The following MYO9A variants were observed in gnomAD, a reference collection of about 807,000 sequenced individuals.
MYO9A encodes the protein unconventional myosin-IXa.
Under a neutral mutation model 293.3 loss-of-function variants are expected in MYO9A, and 103 were observed. That is an observed-to-expected ratio of 0.35 (90% CI 0.30 to 0.41). The LOEUF is 0.41. MYO9A is among the 10% of genes least tolerant of loss of function. The probability of loss-of-function intolerance (pLI) is 1.00; values close to 1 mark genes in which losing one functional copy is unlikely to be tolerated. For missense variants in MYO9A, 2,685 were observed against 3,033.0 expected, an observed-to-expected ratio of 0.89 and a Z score of 2.69; for synonymous variants, 1,001 against 1,035.7, an observed-to-expected ratio of 0.97 and a Z score of 0.64.
intron 4 of MYO9A, 107 bp from the exon 5 acceptor site, chr15:72,021,124 C>T (rs1256801941): frequency 3.1e-6 from 2 of 653,290 alleles, no homozygotes; most frequent in Non-Finnish European, 5.1e-6. Context: ...ATCAGCTTTG[C>T]TTCATTTTTT....
intron 14 of MYO9A, among the ~76,000 whole-genome samples, chr15:71,955,067 T>A (rs1384476830): frequency 6.6e-6 from 1 of 152,058 alleles, no homozygotes; most frequent in Non-Finnish European, 1.5e-5. Flanking sequence ...TTCCTATCAA[T>A]ACTACCCTTG....
At chr15:72,039,753 C>T (rs921505138) in intron 2 of MYO9A, among the ~76,000 whole-genome samples, 5 of 152,200 alleles carry the variant, frequency 3.3e-5, no homozygotes, top group South Asian at 2.1e-4. Context: ...CGCTTGATCC[C>T]GGCAAGTGGA....
chr15:71,999,890 T>G lies in MYO9A; in HGVS notation c.1431A>C (p.Thr477=), dbSNP rs781410922. 1 of 1,612,784 alleles carries G rather than the reference T, an allele frequency of 6.2e-7. No individual in the cohort carries two copies. Among genetic ancestry groups the G allele is most frequent in the South Asian group, 1.1e-5 (1 of 90,844 alleles). The part of the protein sequence containing the change: ...FEALVTRKTV[T]VGEKLILPYK... ...ATGGCAAAATAAGCTTTTCTCCCACTGTCACCGTCTTCCTTGTAACTAATG... is the reference window on the plus strand; with the variant it reads ...ATGGCAAAATAAGCTTTTCTCCCACGGTCACCGTCTTCCTTGTAACTAATG... Residue 477 remains threonine, a synonymous_variant, in exon 9 of 42, where the codon ACA becomes ACC. Transcript: ENST00000356056.
intron 3 of MYO9A, among the ~76,000 whole-genome samples, chr15:72,028,685 A>G (rs1596414948): frequency 8.3e-6 from 1 of 120,396 alleles, no homozygotes; most frequent in East Asian, 2.5e-4. Flanking sequence ...AGTACACAAG[A>G]TCCCTGAAGA....
Position 71,985,497 on chromosome 15 carries a change from AT to A in MYO9A, c.1722+5605del, listed in dbSNP as rs1282949697. ...CCTTCTGATGCCAGGTTTACTTCTG[AT>A]TTACTTTTGTCTGAGATGTAACCCT... On this transcript the variant is annotated intron_variant, in intron 11 of 41. Transcript: ENST00000356056. 3.9e-5 allele frequency among the ~76,000 whole-genome samples: 6 copies of A among 152,218 alleles called. No individual in the cohort carries two copies. The East Asian group carries it at 9.7e-4, about 25-fold the overall frequency.
chr15:71,953,015 G>A (rs1293229307), intron 14 of MYO9A, among the ~76,000 whole-genome samples: 1 of 152,096 alleles, frequency 6.6e-6, no homozygotes, highest in Non-Finnish European at 1.5e-5. Flanking sequence ...CATAAATCAT[G>A]TAATATTATA....
chr15:72,101,532 C>A (rs2080322997), intron 1 of MYO9A, among the ~76,000 whole-genome samples: 1 of 129,820 alleles, frequency 7.7e-6, no homozygotes, highest in Admixed American at 7.4e-5. Flanking sequence ...CAGCCCCCCG[C>A]CCGGCCAGCC....
chr15:71,977,643 G>C (rs1248883008), intron 12 of MYO9A, among the ~76,000 whole-genome samples: 1 of 151,894 alleles, frequency 6.6e-6, no homozygotes, highest in Non-Finnish European at 1.5e-5. Context: ...AAGTCAACAA[G>C]TTTGACATCA....
chr15:72,037,691 A>C (rs896974302), intron 2 of MYO9A, among the ~76,000 whole-genome samples: 2 of 152,192 alleles, frequency 1.3e-5, no homozygotes, highest in African/African-American at 4.8e-5. Context: ...GTCATGAAAC[A>C]ACCAAATAAC....
chr15:71,868,879 A>G (rs2056421523), intron 32 of MYO9A, among the ~76,000 whole-genome samples: 1 of 152,182 alleles, frequency 6.6e-6, no homozygotes, highest in Non-Finnish European at 1.5e-5. Flanking sequence ...AAAACACTGT[A>G]AAAATAAATT....
chr15:71,841,165 T>A (rs1425174234), intron 39 of MYO9A, among the ~76,000 whole-genome samples: 1 of 152,244 alleles, frequency 6.6e-6, no homozygotes, highest in Non-Finnish European at 1.5e-5. Flanking sequence ...TTTGCATGTA[T>A]ATAATCATAA....
Position 71,994,583 on chromosome 15 carries a change from A to C in MYO9A, c.1473T>G (p.Ala491=). ...KLILPYKLAE[A]VTVRNSMAKS... is the part of the protein sequence containing the mutation. ...TAGCCATGGAGTTCCTCACTGTCAC[A>C]GCCTGAAAAACAAAAGCATTACAAG... Residue 491 remains alanine (A), a splice_region_variant and synonymous_variant, in exon 10 of 42, where the codon GCT becomes GCG. Transcript: ENST00000356056. 1.3e-6 allele frequency: 2 copies of C among 1,579,564 alleles called. No individual in the cohort carries two copies. Among genetic ancestry groups the C allele is most frequent in the Admixed American group, 3.8e-5 (2 of 52,612 alleles).
intron 14 of MYO9A, among the ~76,000 whole-genome samples, chr15:71,952,435 A>G (rs1461248915): frequency 1.3e-5 from 2 of 152,214 alleles, no homozygotes; most frequent in Admixed American, 1.3e-4. Flanking sequence ...CTGTACTTAT[A>G]AATTTGAAAA....
At chr15:72,056,953 T>C (rs2078738252) in intron 1 of MYO9A, among the ~76,000 whole-genome samples, 1 of 152,008 alleles carries the variant, frequency 6.6e-6, no homozygotes, top group East Asian at 1.9e-4. Flanking sequence ...TTACTAAAAG[T>C]ACAAAAATTA....
chr15:71,891,563 T>C (rs376154185), intron 26 of MYO9A: 2 of 152,250 alleles, frequency 1.3e-5, no homozygotes, highest in Non-Finnish European at 2.9e-5. Flanking sequence ...TATTTCCTTA[T>C]TTATAACTCA....
At chr15:71,904,594 A>G (rs1375174794) in intron 20 of MYO9A, among the ~76,000 whole-genome samples, 1 of 152,226 alleles carries the variant, frequency 6.6e-6, no homozygotes, top group Non-Finnish European at 1.5e-5. Context: ...CGGAGATTAC[A>G]GTGAGCTGAG....
At position 71,893,705 on chromosome 15, in the gene MYO9A, T is replaced by C; in HGVS notation, c.5116A>G (p.Lys1706Glu). The change falls in exon 26 of 42, where the codon AAG (lysine) becomes GAG (glutamate). Residue 1706 changes from lysine to glutamate, a missense_variant. By Grantham distance (56) the Lys-to-Glu change is moderately conservative. Transcript: ENST00000356056. ...KEDEPAWKPV[K>E]LAGPGQRETS... is the part of the protein sequence containing the mutation. ...TCTCTTTGGCCTGGCCCAGCTAACTTCACAGGTTTCCATGCTGGTTCATCT... is the reference window on the plus strand; with the variant it reads ...TCTCTTTGGCCTGGCCCAGCTAACTCCACAGGTTTCCATGCTGGTTCATCT... The C allele has an allele frequency of 6.2e-7, 1 of 1,613,990 alleles. No homozygotes were observed. Among genetic ancestry groups the C allele is most frequent in the Non-Finnish European group, 8.5e-7 (1 of 1,179,918 alleles).
intron 12 of MYO9A, among the ~76,000 whole-genome samples, chr15:71,976,350 C>T (rs2076148605): frequency 6.6e-6 from 1 of 152,146 alleles, no homozygotes; most frequent in Admixed American, 6.5e-5. Flanking sequence ...GGACTTCTGA[C>T]TCTAACACCT....
chr15:71,885,174 GATA>G (rs2056984015), intron 27 of MYO9A, among the ~76,000 whole-genome samples: 1 of 151,950 alleles, frequency 6.6e-6, no homozygotes. Context: ...CATGGCCACA[GATA>G]ATGATTAGGC....
Sources: gnomAD v4.1 joint callset for allele counts (sites outside exome capture counted in the v4.1 genomes callset) on GRCh38, gnomAD v4.1.1 for gene constraint, MANE v1.5 for transcripts, NCBI Gene and HGNC (gene_info 2026-07-23, HGNC 2026-07-21) for gene names.